Variants in WDR12 observed in about 807,000 individuals in gnomAD.
WDR12 encodes the protein ribosome biogenesis protein WDR12.
Under a neutral mutation model 64.3 loss-of-function variants are expected in WDR12, and 42 were observed. The ratio of observed to expected loss-of-function variants is 0.65; its 90% CI spans 0.51 to 0.84. WDR12 has a LOEUF of 0.84. Among genes scored for constraint, WDR12 ranks in the 40% least tolerant of loss-of-function variants. The probability of loss-of-function intolerance (pLI) is 0.00; values close to 1 mark genes in which losing one functional copy is unlikely to be tolerated. For synonymous variants in WDR12, 158 were observed against 173.3 expected (o/e 0.91, Z 0.70); for missense variants, 469 against 494.6 (o/e 0.95, Z 0.49).
At chr2:202,883,319 A>G (rs1356364641) in intron 11 of WDR12, among the ~76,000 whole-genome samples, 1 of 152,038 alleles carries the variant, frequency 6.6e-6, no homozygotes, top group African/African-American at 2.4e-5. Flanking sequence ...TATTTTTATT[A>G]GAGACAGAGT....
At chr2:202,897,906 A>ATATAT (rs1201879973) in intron 4 of WDR12, among the ~76,000 whole-genome samples, 832 of 47,174 alleles carry the variant, frequency 0.018, 6 homozygotes, top group Non-Finnish European at 0.027. Context: ...AAAAAAAAAA[A>ATATAT]AAATATATAT....
chr2:202,890,418 C>A (rs1159899243), intron 8 of WDR12, among the ~76,000 whole-genome samples: 1 of 152,120 alleles, frequency 6.6e-6, no homozygotes, highest in Admixed American at 6.5e-5. Context: ...ATCTAGGGTA[C>A]TGGTATATCT....
At chr2:202,900,875 A>G (rs1490267400) in intron 3 of WDR12, 150 bp downstream of exon 3, 7 of 521,930 alleles carry the variant, frequency 1.3e-5, no homozygotes, top group Non-Finnish European at 2.0e-5. Context: ...AAATATACAC[A>G]CAATACATAA....
At position 202,877,935 on chromosome 2, in the gene WDR12, G is replaced by A. The variant is rs536879055; in HGVS notation, c.*2925C>T. On this transcript the variant is annotated 3_prime_UTR_variant, in exon 13 of 13. Transcript: ENST00000261015. ...ATTGAAAGGTCTCATGGCTTTTGAG[G>A]GAAAGGGTGTGGAGCAATATCAGAG... The A allele has an allele frequency of 3.8e-4, 58 of 152,370 alleles. No homozygotes were observed. The highest frequency in any genetic ancestry group is 1.4e-3 in the African/African-American group (58 of 41,570). The allele number at this position is 152,370 out of a possible 1,614,324, so 9.4% of individuals were successfully genotyped here. A position where few individuals can be genotyped will look rare whatever the true frequency, so the allele number is the denominator to read the frequency against.
In WDR12 at chr2:202,889,748, CT is replaced by C. The variant is rs34913303; in HGVS notation, c.741+2868del. Among the ~76,000 whole-genome samples, 1,407 of 144,866 alleles carry C rather than the reference CT, an allele frequency of 9.7e-3. 1 individual carries two copies. The highest frequency in any genetic ancestry group is 0.014 in the Middle Eastern group (4 of 278). ...TGGGCAATATAACAAGACCCCATCT[CT>C]TTAAAAAAAAAAAAAATTAGCCAGG... On this transcript the variant is annotated intron_variant, in intron 8 of 12. Coordinates refer to ENST00000261015, the MANE Select transcript of WDR12 (RefSeq NM_018256.4).
intron 1 of WDR12, among the ~76,000 whole-genome samples, chr2:202,909,216 T>C (rs1251496281): frequency 2.0e-5 from 3 of 152,124 alleles, no homozygotes; most frequent in Admixed American, 6.6e-5. Flanking sequence ...AAAACATACA[T>C]CCACACGAAA....
chr2:202,882,485 T>C (rs928865937), intron 12 of WDR12, among the ~76,000 whole-genome samples: 5 of 152,080 alleles, frequency 3.3e-5, no homozygotes, highest in Admixed American at 6.5e-5. Flanking sequence ...CCCGCCACCA[T>C]GCCCGGCTAA....
At chr2:202,894,197 A>G (rs1688200941) in intron 7 of WDR12, among the ~76,000 whole-genome samples, 1 of 148,706 alleles carries the variant, frequency 6.7e-6, no homozygotes. Context: ...ATATGGGTTA[A>G]AAAGTCCCCT....
At chr2:202,900,956 A>G (rs1478535754) in intron 3 of WDR12, 69 bp downstream of exon 3, 1 of 1,290,488 alleles carries the variant, frequency 7.7e-7, no homozygotes, top group African/African-American at 1.5e-5. Context: ...GTGTGATTCT[A>G]AAAGGAGTTT....
In WDR12 at chr2:202,884,400, T is replaced by C. The variant is rs1368179131; in HGVS notation, c.877A>G (p.Thr293Ala). ...GAACACTGAATTTGTCTTACCAAAGTTGACTTAAGACTGCCAGACTCAACA... is the reference window on the plus strand; with the variant it reads ...GAACACTGAATTTGTCTTACCAAAGCTGACTTAAGACTGCCAGACTCAACA... Reference protein sequence around the residue: ...WDVESGSLKSTLTGNKVFNCI... With the variant: ...WDVESGSLKSALTGNKVFNCI... Residue 293 changes from threonine to alanine, a missense_variant, in exon 9 of 13, where the codon ACT becomes GCT. Physicochemically the swap from Thr to Ala is moderately conservative, Grantham distance 58. Transcript: ENST00000261015. 1 of 1,614,048 alleles carries C rather than the reference T, an allele frequency of 6.2e-7. No individual in the cohort carries two copies. The highest frequency in any genetic ancestry group is 8.5e-7 in the Non-Finnish European group (1 of 1,180,002).
chr2:202,904,085 G>A (rs1688406617), intron 2 of WDR12, among the ~76,000 whole-genome samples: 1 of 142,708 alleles, frequency 7.0e-6, no homozygotes, highest in African/African-American at 2.6e-5. Flanking sequence ...TCGCCATGAG[G>A]TGAGATTACG....
chr2:202,905,240 G>A (rs898660132), intron 2 of WDR12, among the ~76,000 whole-genome samples: 1 of 152,214 alleles, frequency 6.6e-6, no homozygotes, highest in Non-Finnish European at 1.5e-5. Flanking sequence ...CCGCCTCCCG[G>A]GTTCAAGCAA....
At chr2:202,905,156 C>A (rs1419841889) in intron 2 of WDR12, among the ~76,000 whole-genome samples, 1 of 152,242 alleles carries the variant, frequency 6.6e-6, no homozygotes, top group East Asian at 1.9e-4. Flanking sequence ...TTTTTCCCCA[C>A]CCCTCCCAAG....
rs1216851344 is a variant in WDR12 at position 202,875,819 on chromosome 2, C to T, written c.*5041G>A. The stretch of plus-strand genomic sequence containing the variant: ...AGTTAAGAGCTTGTCCAAGATAAGT[C>T]CAAGTTCAAATTCACTGCCATTTAT... On this transcript the variant is annotated 3_prime_UTR_variant, in exon 13 of 13. Coordinates refer to ENST00000261015, the MANE Select transcript of WDR12 (RefSeq NM_018256.4). The T allele has an allele frequency of 6.6e-6, 1 of 152,158 alleles. No individual in the cohort carries two copies. Among genetic ancestry groups the T allele is most frequent in the Non-Finnish European group, 1.5e-5 (1 of 68,028 alleles). The allele number at this position is 152,158 out of a possible 1,614,324, so 9.4% of individuals were successfully genotyped here.
At chr2:202,891,708 A>G (rs1688159740) in intron 8 of WDR12, among the ~76,000 whole-genome samples, 1 of 152,242 alleles carries the variant, frequency 6.6e-6, no homozygotes, top group Non-Finnish European at 1.5e-5. Flanking sequence ...TGCTTTATTT[A>G]CTGCACATTC....
intron 12 of WDR12, among the ~76,000 whole-genome samples, chr2:202,881,365 T>A (rs1687945500): frequency 6.6e-6 from 1 of 152,200 alleles, no homozygotes; most frequent in African/African-American, 2.4e-5. Flanking sequence ...TAAAAATAAT[T>A]AAATTGTAAT....
At position 202,877,998 on chromosome 2, in the gene WDR12, C is replaced by T. The variant is rs1175640863; in HGVS notation, c.*2862G>A. ...TAGGCATGTATTGACCTCTCATATT[C>T]CTTCTGTTCAGGGAGTAAGATCTAA... On this transcript the variant is annotated 3_prime_UTR_variant, in exon 13 of 13. Coordinates refer to ENST00000261015, the MANE Select transcript of WDR12 (RefSeq NM_018256.4). 1 of 152,192 alleles carries T rather than the reference C, an allele frequency of 6.6e-6. No individual in the cohort carries two copies. Among genetic ancestry groups the T allele is most frequent in the Non-Finnish European group, 1.5e-5 (1 of 68,032 alleles). 9.4% of individuals were successfully genotyped at this position (152,192 alleles called of 1,614,324 possible).
chr2:202,887,422 G>A (rs1187220942), intron 8 of WDR12, among the ~76,000 whole-genome samples: 2 of 152,208 alleles, frequency 1.3e-5, no homozygotes, highest in African/African-American at 2.4e-5. Flanking sequence ...CAAACTGGCT[G>A]TTGGGCTGTA....
At chr2:202,895,821 C>T (rs888075878) in intron 6 of WDR12, among the ~76,000 whole-genome samples, 9 of 151,890 alleles carry the variant, frequency 5.9e-5, no homozygotes, top group East Asian at 5.8e-4. Flanking sequence ...TGAGCCACCG[C>T]GCCCGGCCCA....
Sources: allele counts gnomAD v4.1 joint callset (sites outside exome capture counted in the v4.1 genomes callset), GRCh38; gene constraint gnomAD v4.1.1; transcripts MANE v1.5; gene names NCBI Gene and HGNC (gene_info 2026-07-23, HGNC 2026-07-21).